The following MPDZ variants were observed in gnomAD, a reference collection of about 807,000 sequenced individuals.
The protein encoded by MPDZ is multiple PDZ domain crumbs cell polarity complex component.
Under a neutral mutation model 239.1 loss-of-function variants are expected in MPDZ, and 234 were observed. That is an observed-to-expected ratio of 0.98 (90% CI 0.88 to 1.09). The LOEUF (loss-of-function observed/expected upper bound fraction) is 1.09. Among genes scored for constraint, MPDZ ranks in the 50% least tolerant of loss-of-function variants. The probability of loss-of-function intolerance (pLI) is 0.00; values close to 1 mark genes in which losing one functional copy is unlikely to be tolerated. For synonymous variants in MPDZ, 1,048 were observed against 881.3 expected (o/e 1.19, Z -3.35); for missense variants, 3,175 against 2,510.0 (o/e 1.26, Z -5.66).
At position 13,140,009 on chromosome 9, in the gene MPDZ, C is replaced by G. The variant is rs753824854; in HGVS notation, c.3981G>C (p.Glu1327Asp). ...TACTCCAGCTGTAACCAAACTCATCCTCTTTGTCCACATCTTGTGAGATTT... is the reference window on the plus strand; with the variant it reads ...TACTCCAGCTGTAACCAAACTCATCGTCTTTGTCCACATCTTGTGAGATTT... ...ASKISQDVDK[E>D]DEFGYSWKNI... The change falls in exon 28 of 47, where the codon GAG (glutamate) becomes GAC (aspartate). Residue 1327 changes from glutamate (E) to aspartate (D), a missense_variant. Glu to Asp is a conservative substitution (Grantham distance 45). Transcript: ENST00000319217. 1.2e-6 allele frequency: 2 copies of G among 1,613,392 alleles called. No individual in the cohort carries two copies. The highest frequency in any genetic ancestry group is 4.5e-5 in the East Asian group (2 of 44,798).
intron 3 of MPDZ, among the ~76,000 whole-genome samples, chr9:13,241,431 C>T (rs1403923798): frequency 6.6e-6 from 1 of 152,132 alleles, no homozygotes; most frequent in African/African-American, 2.4e-5. Context: ...TTCTTTCGTT[C>T]TGTCCTCCTT....
chr9:13,192,213 A>G lies in MPDZ; in HGVS notation c.1886T>C (p.Val629Ala). 1.9e-6 allele frequency: 3 copies of G among 1,610,342 alleles called. No individual in the cohort carries two copies. Among genetic ancestry groups the G allele is most frequent in the Non-Finnish European group, 2.5e-6 (3 of 1,178,126 alleles). Reference sequence around the variant, plus strand: ...GGGTGGCACAGTTCGACGACAGCACACCATTGTCACTTCTATAGGCAGTTC... The same window carrying G: ...GGGTGGCACAGTTCGACGACAGCACGCCATTGTCACTTCTATAGGCAGTTC... ...LKELPIEVTM[V>A]CCRRTVPPTT... Residue 629 changes from valine to alanine, a missense_variant, in exon 15 of 47, where the codon GTG (valine) becomes GCG (alanine). Coordinates refer to ENST00000319217, the MANE Select transcript of MPDZ (RefSeq NM_001378778.1).
intron 10 of MPDZ, among the ~76,000 whole-genome samples, chr9:13,206,375 A>T (rs1321208227): frequency 1.3e-5 from 2 of 151,950 alleles, no homozygotes; most frequent in Non-Finnish European, 2.9e-5. Context: ...GGTAGGACAC[A>T]GGCTTCTATG....
At chr9:13,242,036 T>C (rs1965530329) in intron 3 of MPDZ, among the ~76,000 whole-genome samples, 1 of 152,124 alleles carries the variant, frequency 6.6e-6, no homozygotes, top group Admixed American at 6.6e-5. Flanking sequence ...TGTATATTAC[T>C]TGTGTGGCCT....
intron 3 of MPDZ, among the ~76,000 whole-genome samples, chr9:13,234,589 A>T (rs1159430269): frequency 1.3e-5 from 2 of 152,164 alleles, no homozygotes; most frequent in Non-Finnish European, 2.9e-5. Flanking sequence ...GATGGATATT[A>T]TATCATTTAA....
intron 1 of MPDZ, among the ~76,000 whole-genome samples, chr9:13,255,803 G>C (rs1232174930): frequency 2.0e-5 from 3 of 152,162 alleles, no homozygotes; most frequent in Admixed American, 6.6e-5. Context: ...AGCAGATTTA[G>C]AATAACCCTT....
At chr9:13,115,970 A>AAAAAT (rs1943377441) in intron 39 of MPDZ, among the ~76,000 whole-genome samples, 2 of 151,068 alleles carry the variant, frequency 1.3e-5, no homozygotes, top group African/African-American at 4.9e-5. Context: ...AAAAAAAAAA[A>AAAAAT]AAAGCGAACA....
chr9:13,148,081 G>C (rs2132877761), intron 25 of MPDZ, among the ~76,000 whole-genome samples: 1 of 152,042 alleles, frequency 6.6e-6, no homozygotes, highest in South Asian at 2.1e-4. Flanking sequence ...GTGATGCCTT[G>C]TATAATTTTC....
At chr9:13,236,197 A>ACGTGTG (rs1554715984) in intron 3 of MPDZ, among the ~76,000 whole-genome samples, 2 of 76,996 alleles carry the variant, frequency 2.6e-5, no homozygotes, top group African/African-American at 9.7e-5. Context: ...TTCTGTATAT[A>ACGTGTG]TGTGTGTGTG....
At chr9:13,146,070 T>C (rs528454740) in intron 26 of MPDZ, among the ~76,000 whole-genome samples, 1 of 152,178 alleles carries the variant, frequency 6.6e-6, no homozygotes, top group South Asian at 2.1e-4. Context: ...ACAAATGGAA[T>C]AGCTTTGTAA....
intron 19 of MPDZ, among the ~76,000 whole-genome samples, chr9:13,181,096 T>C (rs1000640466): frequency 6.6e-6 from 1 of 152,134 alleles, no homozygotes; most frequent in African/African-American, 2.4e-5. Context: ...TATTTGTTCA[T>C]ACCCTGTTGC....
chr9:13,133,229 T>C (rs893325485), intron 32 of MPDZ, among the ~76,000 whole-genome samples: 8 of 152,254 alleles, frequency 5.3e-5, no homozygotes, highest in African/African-American at 1.9e-4. Flanking sequence ...CTCTCTTAAA[T>C]GGCAATAGAA....
At chr9:13,266,567 T>C (rs1971843523) in intron 1 of MPDZ, among the ~76,000 whole-genome samples, 1 of 152,204 alleles carries the variant, frequency 6.6e-6, no homozygotes, top group South Asian at 2.1e-4. Context: ...ATCTTAATTA[T>C]TTGAAGATGT....
At chr9:13,193,343 A>T in intron 13 of MPDZ, 30 bp from the exon 14 acceptor site, 1 of 1,567,292 alleles carries the variant, frequency 6.4e-7, no homozygotes, top group Non-Finnish European at 8.6e-7. Flanking sequence ...GATCACCACA[A>T]TTTTTATATT....
chr9:13,186,425 A>C, intron 17 of MPDZ, 39 bp from the exon 18 acceptor site: 1 of 1,350,932 alleles, frequency 7.4e-7, no homozygotes, highest in Non-Finnish European at 1.0e-6. Flanking sequence ...AAGAGAGAGA[A>C]CAGCAAAGAA....
intron 10 of MPDZ, among the ~76,000 whole-genome samples, chr9:13,213,712 C>G (rs1957930327): frequency 6.6e-6 from 1 of 151,980 alleles, no homozygotes; most frequent in South Asian, 2.1e-4. Context: ...GAAAACAATT[C>G]AGAGAAAAGA....
chr9:13,119,896 C>T lies in MPDZ; in HGVS notation c.5232-247G>A. 6.1e-6 allele frequency: 3 copies of T among 493,874 alleles called. 1 individual carries two copies. Among genetic ancestry groups the T allele is most frequent in the South Asian group, 4.2e-5 (2 of 47,440 alleles). The allele number at this position is 493,874 out of a possible 1,614,324, so 30.6% of individuals were successfully genotyped here. On this transcript the variant is annotated intron_variant, in intron 38 of 46. Transcript: ENST00000319217. Reference sequence around the variant, plus strand: ...ATATTTATTCTTCATCATTTATATACACTGAGTAGAAGCGTGTATTACCAT... The same window carrying T: ...ATATTTATTCTTCATCATTTATATATACTGAGTAGAAGCGTGTATTACCAT...
chr9:13,266,575 T>C (rs1971846581), intron 1 of MPDZ, among the ~76,000 whole-genome samples: 1 of 152,200 alleles, frequency 6.6e-6, no homozygotes, highest in African/African-American at 2.4e-5. Context: ...TATTTGAAGA[T>C]GTAAGAAAAT....
chr9:13,177,442 A>G (rs1952646103), intron 19 of MPDZ, among the ~76,000 whole-genome samples: 1 of 152,172 alleles, frequency 6.6e-6, no homozygotes, highest in Non-Finnish European at 1.5e-5. Context: ...ATGCATTTGC[A>G]TAATATATAC....
Sources: gnomAD v4.1 joint callset for allele counts (sites outside exome capture counted in the v4.1 genomes callset) on GRCh38, gnomAD v4.1.1 for gene constraint, MANE v1.5 for transcripts, NCBI Gene and HGNC (gene_info 2026-07-23, HGNC 2026-07-21) for gene names.